Variants in PRELID2 observed in about 807,000 individuals in gnomAD.
PRELID2 encodes PRELI domain containing 2.
PRELID2 carries 25 observed loss-of-function variants against 28.4 expected under a neutral mutation model. The ratio of observed to expected loss-of-function variants is 0.88; its 90% CI spans 0.64 to 1.23. The LOEUF (loss-of-function observed/expected upper bound fraction) is 1.23, where lower values mean the gene tolerates loss of function less well. Among genes scored for constraint, PRELID2 ranks in the 50% most tolerant of loss-of-function variants. The pLI, the probability that PRELID2 is intolerant of heterozygous loss-of-function variation, is 0.00. For synonymous variants in PRELID2, 76 were observed against 71.6 expected, an observed-to-expected ratio of 1.06 and a Z score of -0.31; for missense variants, 201 against 214.4, an observed-to-expected ratio of 0.94 and a Z score of 0.39.
chr5:145,544,909 A>AAGT (rs1326837231), intron 1 of PRELID2, among the ~76,000 whole-genome samples: 1 of 152,130 alleles, frequency 6.6e-6, no homozygotes, highest in African/African-American at 2.4e-5. Flanking sequence ...GAATGTGACA[A>AAGT]AGTATCCTCA....
At chr5:145,454,947 A>T in the PRELID2 span, among the ~76,000 whole-genome samples, 2 of 151,988 alleles carry the variant, frequency 1.3e-5, no homozygotes, top group Non-Finnish European at 2.9e-5. Flanking sequence ...CACTCTAATG[A>T]TAGTTTCTTT....
At chr5:145,798,702 G>A (rs990961470) in intron 4 of PRELID2, among the ~76,000 whole-genome samples, 1 of 152,134 alleles carries the variant, frequency 6.6e-6, no homozygotes, top group Non-Finnish European at 1.5e-5. Context: ...CATAACAAAG[G>A]ATTAGTTCAT....
chr5:145,590,828 C>T (rs565654335), intron 1 of PRELID2, among the ~76,000 whole-genome samples: 2 of 152,028 alleles, frequency 1.3e-5, no homozygotes, highest in Non-Finnish European at 2.9e-5. Flanking sequence ...CCTATGCCCC[C>T]CACTGACATT....
At chr5:145,713,312 C>T (rs1180182421) in intron 1 of PRELID2, among the ~76,000 whole-genome samples, 1 of 142,064 alleles carries the variant, frequency 7.0e-6, no homozygotes, top group Non-Finnish European at 1.5e-5. Flanking sequence ...AGAAGGGGAA[C>T]ATTGCATACA....
chr5:145,452,060 T>C, the PRELID2 span, among the ~76,000 whole-genome samples: 1 of 152,210 alleles, frequency 6.6e-6, no homozygotes, highest in African/African-American at 2.4e-5. Context: ...TATCTTGCTA[T>C]ATGCATGCAT....
chr5:145,746,882 T>A (rs1311384903), intron 1 of PRELID2, among the ~76,000 whole-genome samples: 1 of 152,114 alleles, frequency 6.6e-6, no homozygotes, highest in Non-Finnish European at 1.5e-5. Context: ...AGAAACTCCC[T>A]CAAAACCACA....
chr5:145,598,063 C>T (rs146215546), intron 1 of PRELID2, among the ~76,000 whole-genome samples: 440 of 151,970 alleles, frequency 2.9e-3, no homozygotes, highest in African/African-American at 0.01. Flanking sequence ...TGGAAGGCTT[C>T]ATTAAAAGTT....
At chr5:145,668,400 G>T (rs966703926) in intron 1 of PRELID2, among the ~76,000 whole-genome samples, 1 of 151,362 alleles carries the variant, frequency 6.6e-6, no homozygotes, top group Admixed American at 6.6e-5. Flanking sequence ...CAGTCTAGGG[G>T]TACATTTGCA....
chr5:145,250,723 C>T, the PRELID2 span, among the ~76,000 whole-genome samples: 1 of 152,168 alleles, frequency 6.6e-6, no homozygotes, highest in South Asian at 2.1e-4. Flanking sequence ...GGATATTTTC[C>T]ATGAAACACT....
At chr5:145,822,968 A>G (rs1021655324) in intron 2 of PRELID2, 109 bp downstream of exon 2, 6 of 574,550 alleles carry the variant, frequency 1.0e-5, no homozygotes, top group Non-Finnish European at 1.9e-5. Flanking sequence ...CTGCAGGTGA[A>G]CAATTTTTTA....
chr5:145,384,775 C>A, the PRELID2 span, among the ~76,000 whole-genome samples: 1 of 152,090 alleles, frequency 6.6e-6, no homozygotes, highest in Non-Finnish European at 1.5e-5. Flanking sequence ...AAGCAGGAGG[C>A]AGAGAAAGAC....
chr5:145,467,034 C>G (rs936239954), downstream of PRELID2, among the ~76,000 whole-genome samples: 3 of 152,098 alleles, frequency 2.0e-5, no homozygotes, highest in Non-Finnish European at 4.4e-5. Context: ...TCCAATGACC[C>G]TTTGATGATA....
the PRELID2 span, among the ~76,000 whole-genome samples, chr5:145,438,200 CTA>C: frequency 1.3e-5 from 2 of 152,164 alleles, no homozygotes; most frequent in East Asian, 3.9e-4. Context: ...GACAGAGACA[CTA>C]TTTTCTTTAT....
At chr5:145,433,736 C>A in the PRELID2 span, among the ~76,000 whole-genome samples, 1 of 152,074 alleles carries the variant, frequency 6.6e-6, no homozygotes, top group Non-Finnish European at 1.5e-5. Context: ...TCAGCTCCTT[C>A]ATGCCTCTTT....
the PRELID2 span, among the ~76,000 whole-genome samples, chr5:145,383,995 A>G: frequency 4.6e-5 from 7 of 152,160 alleles, no homozygotes; most frequent in Admixed American, 1.3e-4. Flanking sequence ...AAACAATTCA[A>G]TTTAAAACTT....
chr5:145,705,195 CTT>C (rs199698718), intron 1 of PRELID2, among the ~76,000 whole-genome samples: 6 of 144,738 alleles, frequency 4.1e-5, no homozygotes, highest in Admixed American at 1.4e-4. Flanking sequence ...CAAAAAGTAC[CTT>C]TTTTTTTTTT....
At chr5:145,248,790 T>C in the PRELID2 span, among the ~76,000 whole-genome samples, 1 of 152,156 alleles carries the variant, frequency 6.6e-6, no homozygotes, top group African/African-American at 2.4e-5. Flanking sequence ...AGCGAGATTC[T>C]ATCTCAAAAA....
At chr5:145,268,857 CATT>C in the PRELID2 span, among the ~76,000 whole-genome samples, 1 of 151,730 alleles carries the variant, frequency 6.6e-6, no homozygotes, top group Non-Finnish European at 1.5e-5. Flanking sequence ...AATATAAAGT[CATT>C]ATAAAAATCA....
At chr5:145,714,560 G>A (rs944797588) in intron 1 of PRELID2, among the ~76,000 whole-genome samples, 5 of 152,050 alleles carry the variant, frequency 3.3e-5, no homozygotes, top group African/African-American at 1.2e-4. Context: ...GCCTTTCCAG[G>A]AAATAATATG....
Sources: allele counts gnomAD v4.1 joint callset (sites outside exome capture counted in the v4.1 genomes callset), GRCh38; gene constraint gnomAD v4.1.1; transcripts MANE v1.5; gene names NCBI Gene and HGNC (gene_info 2026-07-23, HGNC 2026-07-21).